CNTNAP2: variants seen among roughly 807,000 people sequenced by gnomAD.
CNTNAP2 encodes contactin associated protein 2, also known as contactin-associated protein-like 2.
CNTNAP2 carries 98 observed loss-of-function variants against 155.2 expected under a neutral mutation model. The observed-to-expected ratio is 0.63, with a 90% CI of 0.54 to 0.75. The LOEUF (loss-of-function observed/expected upper bound fraction) is 0.75. CNTNAP2 is among the 30% of genes least tolerant of loss of function. The pLI, the probability that CNTNAP2 is intolerant of heterozygous loss-of-function variation, is 0.00. For missense variants in CNTNAP2, 1,727 were observed against 1,688.1 expected (o/e 1.02, Z -0.40); for synonymous variants, 651 against 631.2 (o/e 1.03, Z -0.47).
chr7:148,175,568 C>T (rs1391531933), intron 18 of CNTNAP2, among the ~76,000 whole-genome samples: 1 of 151,998 alleles, frequency 6.6e-6, no homozygotes, highest in Non-Finnish European at 1.5e-5. Context: ...AAGAGATCAC[C>T]CTTCAGATGG....
In CNTNAP2 at chr7:148,320,478, G is replaced by A. The variant is rs376539555; in HGVS notation, c.3475+53352G>A. ...CACTCATGGCACCCTCCGCCTCCTG[G>A]GTTCAAGTGATTCTCATGCCTCAGC... On this transcript the variant is annotated intron_variant, in intron 21 of 23. Coordinates refer to ENST00000361727, the MANE Select transcript of CNTNAP2 (RefSeq NM_014141.6). 3.4e-5 allele frequency among the ~76,000 whole-genome samples: 5 copies of A among 148,992 alleles called. No individual in the cohort carries two copies. In the East Asian group the frequency reaches 9.9e-4, roughly 29 times the overall value.
intron 13 of CNTNAP2, among the ~76,000 whole-genome samples, chr7:147,750,804 C>A (rs2116502369): frequency 6.6e-6 from 1 of 152,156 alleles, no homozygotes; most frequent in South Asian, 2.1e-4. Flanking sequence ...TTTGGGAGGC[C>A]AAGGCGGGTA....
At chr7:146,869,100 C>T (rs963267436) in intron 3 of CNTNAP2, among the ~76,000 whole-genome samples, 1 of 152,118 alleles carries the variant, frequency 6.6e-6, no homozygotes, top group Non-Finnish European at 1.5e-5. Context: ...TGTCAGTTTT[C>T]AAGGGGAATG....
Position 146,283,441 on chromosome 7 carries a change from G to A in CNTNAP2, c.97+166468G>A, listed in dbSNP as rs534216228. Among the ~76,000 whole-genome samples, 309 of 152,202 alleles carry A rather than the reference G, an allele frequency of 2.0e-3. 3 individuals carry two copies. The highest frequency in any genetic ancestry group is 7.0e-3 in the African/African-American group (290 of 41,542). On this transcript the variant is annotated intron_variant, in intron 1 of 23. Coordinates refer to ENST00000361727, the MANE Select transcript of CNTNAP2 (RefSeq NM_014141.6). ...GGAGTGCAGTTGTGGGATCACAGGT[G>A]AGTGTAGTCTCAACCTCCCAGGCTC...
chr7:148,253,176 C>T (rs1458010895), intron 20 of CNTNAP2, among the ~76,000 whole-genome samples: 1 of 152,150 alleles, frequency 6.6e-6, no homozygotes, highest in East Asian at 1.9e-4. Flanking sequence ...TTCCATTTAC[C>T]TTCTATTGTC....
At chr7:146,622,447 A>G (rs1799342867) in intron 1 of CNTNAP2, among the ~76,000 whole-genome samples, 1 of 151,950 alleles carries the variant, frequency 6.6e-6, no homozygotes, top group Non-Finnish European at 1.5e-5. Context: ...AAGGGGATAT[A>G]TGTGTTTCTA....
intron 11 of CNTNAP2, among the ~76,000 whole-genome samples, chr7:147,508,368 T>C (rs1798953316): frequency 1.3e-5 from 2 of 152,106 alleles, no homozygotes; most frequent in South Asian, 4.2e-4. Context: ...TCTAGCCACA[T>C]CTAATTGGTC....
In CNTNAP2 at chr7:146,800,256, C is replaced by T. The variant is rs150650445; in HGVS notation, c.208+25875C>T. Among the ~76,000 whole-genome samples, 285 of 152,178 alleles carry T rather than the reference C, an allele frequency of 1.9e-3. 1 individual carries two copies. Among genetic ancestry groups the T allele is most frequent in the African/African-American group, 6.3e-3 (263 of 41,544 alleles). On this transcript the variant is annotated intron_variant, in intron 2 of 23. Transcript: ENST00000361727. ...GCTACAATCAGATTTGAAATGCCAC[C>T]ACCAAGAACAACACCTACATCTCCC...
At chr7:148,397,580 T>C (rs1297176288) in intron 22 of CNTNAP2, among the ~76,000 whole-genome samples, 1 of 152,212 alleles carries the variant, frequency 6.6e-6, no homozygotes, top group Non-Finnish European at 1.5e-5. Flanking sequence ...TGCTACTAAA[T>C]ACACTTTGCT....
chr7:147,659,262 T>G (rs1399832153), intron 13 of CNTNAP2, among the ~76,000 whole-genome samples: 1 of 152,196 alleles, frequency 6.6e-6, no homozygotes, highest in Non-Finnish European at 1.5e-5. Context: ...TCAGGAAACT[T>G]GAATTTTTGC....
chr7:148,081,451 C>T (rs1237712218), intron 15 of CNTNAP2, among the ~76,000 whole-genome samples: 1 of 151,948 alleles, frequency 6.6e-6, no homozygotes, highest in Non-Finnish European at 1.5e-5. Flanking sequence ...GAATATAAAG[C>T]AGGCAGAAAA....
intron 15 of CNTNAP2, among the ~76,000 whole-genome samples, chr7:148,050,244 C>G (rs573492682): frequency 6.6e-6 from 1 of 152,206 alleles, no homozygotes; most frequent in Non-Finnish European, 1.5e-5. Flanking sequence ...ACCATAGGAG[C>G]TGGCAGCTCT....
At chr7:147,593,330 G>C (rs988658602) in intron 12 of CNTNAP2, among the ~76,000 whole-genome samples, 3 of 149,970 alleles carry the variant, frequency 2.0e-5, no homozygotes, top group Non-Finnish European at 3.0e-5. Context: ...TACAGTTGTG[G>C]AAATTTAAAG....
intron 3 of CNTNAP2, among the ~76,000 whole-genome samples, chr7:146,914,201 C>CT (rs1562999715): frequency 6.6e-6 from 1 of 151,836 alleles, no homozygotes; most frequent in African/African-American, 2.4e-5. Context: ...CACTCTTTGA[C>CT]TGGTGGGCAT....
chr7:147,731,245 A>C (rs1796734092), intron 13 of CNTNAP2, among the ~76,000 whole-genome samples: 1 of 152,194 alleles, frequency 6.6e-6, no homozygotes, highest in Non-Finnish European at 1.5e-5. Flanking sequence ...GATGCCATCT[A>C]GGACTTCTAT....
chr7:148,087,606 GT>G (rs2116558231), intron 15 of CNTNAP2, among the ~76,000 whole-genome samples: 1 of 152,084 alleles, frequency 6.6e-6, no homozygotes, highest in South Asian at 2.1e-4. Context: ...ATTTTTTAGT[GT>G]TTTAGTACAG....
intron 10 of CNTNAP2, among the ~76,000 whole-genome samples, chr7:147,422,120 A>G (rs970178080): frequency 2.8e-5 from 4 of 145,448 alleles, no homozygotes; most frequent in African/African-American, 1.0e-4. Context: ...TATATATAGT[A>G]TGTATATATA....
At chr7:147,796,874 G>A (rs949296986) in intron 13 of CNTNAP2, among the ~76,000 whole-genome samples, 4 of 151,682 alleles carry the variant, frequency 2.6e-5, no homozygotes, top group Non-Finnish European at 5.9e-5. Flanking sequence ...GAGCATCTCA[G>A]GCTTTTAAGA....
intron 13 of CNTNAP2, among the ~76,000 whole-genome samples, chr7:147,715,049 C>T (rs1796462289): frequency 2.0e-5 from 3 of 152,074 alleles, no homozygotes; most frequent in Admixed American, 1.3e-4. Flanking sequence ...CCCTGATATG[C>T]ATATACCACA....
Sources: allele counts gnomAD v4.1 joint callset (sites outside exome capture counted in the v4.1 genomes callset), GRCh38; gene constraint gnomAD v4.1.1; transcripts MANE v1.5; gene names NCBI Gene and HGNC (gene_info 2026-07-23, HGNC 2026-07-21).